Variants in RAI1 observed in about 807,000 individuals in gnomAD.
RAI1 encodes the protein retinoic acid-induced protein 1.
RAI1 carries 9 observed loss-of-function variants against 123.8 expected under a neutral mutation model. The observed-to-expected ratio is 0.07, with a 90% CI of 0.04 to 0.13. The LOEUF is 0.13. Ranked by LOEUF, RAI1 falls within the 10% of genes least tolerant of loss-of-function variation. The pLI is 1.00. For missense variants in RAI1, 2,256 were observed against 2,545.8 expected (o/e 0.89, Z 2.45); for synonymous variants, 1,231 against 1,127.3 (o/e 1.09, Z -1.84).
At chr17:17,741,480 A>G (rs73981040) in intron 2 of RAI1, among the ~76,000 whole-genome samples, 198 of 152,012 alleles carry the variant, frequency 1.3e-3, no homozygotes, top group African/African-American at 4.7e-3. Context: ...ATAAGAGAGA[A>G]CTCCCTGGGT....
At chr17:17,710,960 A>G (rs1309087480) in intron 1 of RAI1, among the ~76,000 whole-genome samples, 1 of 152,116 alleles carries the variant, frequency 6.6e-6, no homozygotes, top group Admixed American at 6.5e-5. Flanking sequence ...GGCAGGTGGG[A>G]GGGAGGAGGT....
chr17:17,736,568 A>G (rs925878498), intron 2 of RAI1, among the ~76,000 whole-genome samples: 5 of 152,234 alleles, frequency 3.3e-5, no homozygotes, highest in African/African-American at 1.2e-4. Flanking sequence ...TGGAGATGGC[A>G]TGCACACTTC....
rs115379597 is a variant in RAI1 at position 17,793,086 on chromosome 17, C to T, written c.138C>T (p.Leu46=). The T allele has an allele frequency of 6.4e-4, 1,041 of 1,614,136 alleles. 5 individuals carry two copies. In the African/African-American group the frequency reaches 0.013, roughly 20 times the overall value. The part of the protein sequence containing the change: ...AGLSCDRQRL[L]AKDYYNPQPY... ...TAAGCTGCGACCGGCAGCGGCTGCTCGCCAAGGACTATTATAACCCGCAGC... is the reference window on the plus strand; with the variant it reads ...TAAGCTGCGACCGGCAGCGGCTGCTTGCCAAGGACTATTATAACCCGCAGC... Residue 46 remains leucine (L), a synonymous_variant, in exon 3 of 6, where the codon CTC becomes CTT. Coordinates refer to ENST00000353383, the MANE Select transcript of RAI1 (RefSeq NM_030665.4).
chr17:17,793,465 G>T lies in RAI1; in HGVS notation c.517G>T (p.Val173Phe), dbSNP rs573327073. The T allele has an allele frequency of 1.2e-6, 2 of 1,613,280 alleles. No individual in the cohort carries two copies. The highest frequency in any genetic ancestry group is 3.3e-5 in the Admixed American group (2 of 59,982). ...QVPFRTHSLH[V>F]QQPPPPQQPL... ...GCCCTTTCGGACTCACTCCCTGCACGTCCAGCAGCCACCGCCGCCCCAGCA... is the reference window on the plus strand; with the variant it reads ...GCCCTTTCGGACTCACTCCCTGCACTTCCAGCAGCCACCGCCGCCCCAGCA... The change falls in exon 3 of 6, where the codon GTC becomes TTC. Residue 173 changes from valine to phenylalanine, a missense_variant. Val to Phe is a conservative substitution (Grantham distance 50, BLOSUM62 -1). Coordinates refer to ENST00000353383, the MANE Select transcript of RAI1 (RefSeq NM_030665.4).
intron 2 of RAI1, among the ~76,000 whole-genome samples, chr17:17,735,446 C>T (rs1330926308): frequency 1.3e-5 from 2 of 151,726 alleles, no homozygotes; most frequent in East Asian, 1.9e-4. Context: ...CTCCGCCTCC[C>T]GGGTTCAAGT....
chr17:17,743,609 C>G (rs147247024), intron 2 of RAI1, among the ~76,000 whole-genome samples: 2 of 152,240 alleles, frequency 1.3e-5, no homozygotes, highest in Non-Finnish European at 2.9e-5. Context: ...ACCCCACACA[C>G]GTGGTTTCTC....
intron 1 of RAI1, among the ~76,000 whole-genome samples, chr17:17,709,118 C>G (rs541534098): frequency 1.3e-5 from 2 of 152,248 alleles, no homozygotes; most frequent in African/African-American, 4.8e-5. Context: ...CAGCAGCCAC[C>G]CGGGGACCAT....
At chr17:17,782,081 G>A (rs1367486779) in intron 2 of RAI1, 1 of 152,074 alleles carries the variant, frequency 6.6e-6, no homozygotes, top group Non-Finnish European at 1.5e-5. Context: ...ATCCCACCCG[G>A]TTCCAATATT....
chr17:17,694,783 G>A (rs1404482382), intron 1 of RAI1, among the ~76,000 whole-genome samples: 1 of 150,068 alleles, frequency 6.7e-6, no homozygotes, highest in Non-Finnish European at 1.5e-5. Context: ...GGCCGCTCGC[G>A]TCGCCATGGC....
chr17:17,708,152 C>T (rs1314022662), intron 1 of RAI1, among the ~76,000 whole-genome samples: 2 of 152,208 alleles, frequency 1.3e-5, no homozygotes, highest in African/African-American at 2.4e-5. Flanking sequence ...CCTCCTCCTT[C>T]CTCCTGCTGC....
intron 4 of RAI1, among the ~76,000 whole-genome samples, chr17:17,805,288 A>G (rs1301546347): frequency 6.6e-6 from 1 of 152,054 alleles, no homozygotes; most frequent in African/African-American, 2.4e-5. Context: ...AGAGTGAAAT[A>G]ATGAACACTA....
At chr17:17,696,104 T>C (rs535296075) in intron 1 of RAI1, among the ~76,000 whole-genome samples, 8 of 152,312 alleles carry the variant, frequency 5.3e-5, no homozygotes, top group African/African-American at 1.4e-4. Flanking sequence ...ATTATTGATA[T>C]GTTGGTTGTA....
rs1221635825 is a variant in RAI1 at position 17,803,805 on chromosome 17, A to G, written c.5615A>G (p.Lys1872Arg). ...GGGGCCACCATTGGGTGCTGCCACA[A>G]AGGATGCCTCCACACCTACCACTAC... ...EAGATIGCCH[K>R]GCLHTYHYPC... The change falls in exon 4 of 6, where the codon AAA becomes AGA. Residue 1872 changes from lysine (K) to arginine (R), a missense_variant. Physicochemically the swap from Lys to Arg is conservative, Grantham distance 26. Coordinates refer to ENST00000353383, the MANE Select transcript of RAI1 (RefSeq NM_030665.4). The G allele has an allele frequency of 1.2e-6, 2 of 1,613,472 alleles. No homozygotes were observed. The highest frequency in any genetic ancestry group is 1.7e-5 in the Admixed American group (1 of 60,006).
intron 2 of RAI1, among the ~76,000 whole-genome samples, chr17:17,739,364 G>A (rs982279995): frequency 2.0e-5 from 3 of 152,214 alleles, no homozygotes; most frequent in African/African-American, 7.2e-5. Flanking sequence ...CTGGGGAAGC[G>A]AAGGTGGGTG....
chr17:17,716,926 G>A (rs1012665816), intron 1 of RAI1, among the ~76,000 whole-genome samples: 1 of 152,202 alleles, frequency 6.6e-6, no homozygotes, highest in Non-Finnish European at 1.5e-5. Flanking sequence ...ATGTGCCCAC[G>A]GGATGCCCAC....
At chr17:17,711,654 G>A (rs769656116) in intron 1 of RAI1, among the ~76,000 whole-genome samples, 9 of 152,216 alleles carry the variant, frequency 5.9e-5, no homozygotes, top group African/African-American at 1.7e-4. Context: ...GAAGTTTCAC[G>A]TAAAGGAACA....
intron 2 of RAI1, among the ~76,000 whole-genome samples, chr17:17,768,506 A>G (rs1265328710): frequency 1.3e-5 from 2 of 152,198 alleles, no homozygotes; most frequent in East Asian, 1.9e-4. Context: ...TCAGAGGAGA[A>G]CAGTACCCCA....
chr17:17,774,167 G>A (rs962664727), intron 2 of RAI1, among the ~76,000 whole-genome samples: 9 of 152,210 alleles, frequency 5.9e-5, no homozygotes, highest in African/African-American at 2.2e-4. Context: ...CCCCGAGGAT[G>A]CTGATGACAA....
chr17:17,699,638 G>GC (rs1476719428), intron 1 of RAI1, among the ~76,000 whole-genome samples: 2 of 141,802 alleles, frequency 1.4e-5, no homozygotes, highest in African/African-American at 2.6e-5. Context: ...CCGGGGGGGG[G>GC]GGAATCAAAT....
Sources: allele counts gnomAD v4.1 joint callset (sites outside exome capture counted in the v4.1 genomes callset), GRCh38; gene constraint gnomAD v4.1.1; transcripts MANE v1.5; gene names NCBI Gene and HGNC (gene_info 2026-07-23, HGNC 2026-07-21).